RDX: variants seen among roughly 807,000 people sequenced by gnomAD.
The protein encoded by RDX is deafness, autosomal recessive 24.
RDX carries 32 observed loss-of-function variants against 83.7 expected under a neutral mutation model. The ratio of observed to expected loss-of-function variants is 0.38; its 90% CI spans 0.29 to 0.51. The LOEUF is 0.51. RDX is among the 20% of genes least tolerant of loss of function. The probability of loss-of-function intolerance (pLI) is 0.87; values close to 1 mark genes in which losing one functional copy is unlikely to be tolerated. For synonymous variants in RDX, 229 were observed against 222.7 expected, an observed-to-expected ratio of 1.03 and a Z score of -0.25; for missense variants, 600 against 689.9, an observed-to-expected ratio of 0.87 and a Z score of 1.46.
downstream of RDX, among the ~76,000 whole-genome samples, chr11:110,225,322 A>T (rs1405266952): frequency 1.3e-5 from 2 of 152,218 alleles, no homozygotes; most frequent in Non-Finnish European, 2.9e-5. Context: ...CAATGGGAAA[A>T]AAGATTTGGA....
intron 5 of RDX, among the ~76,000 whole-genome samples, chr11:110,258,698 A>G (rs934669370): frequency 1.3e-5 from 2 of 151,974 alleles, no homozygotes; most frequent in African/African-American, 4.8e-5. Flanking sequence ...CTTGGGCCCT[A>G]ATTCTTCCTT....
At chr11:110,215,052 AT>A (rs1565295571) in intron 14 of RDX, among the ~76,000 whole-genome samples, 2,657 of 60,494 alleles carry the variant, frequency 0.044, 57 homozygotes, top group East Asian at 0.24. Context: ...AAAAAAAAAT[AT>A]ATATATATAT....
chr11:110,184,918 G>A (rs559719164), intron 15 of RDX, among the ~76,000 whole-genome samples: 2 of 152,182 alleles, frequency 1.3e-5, no homozygotes, highest in South Asian at 4.1e-4. Context: ...TGGAGGGGGG[G>A]CTAGGGCCTG....
intron 10 of RDX, 92 bp downstream of exon 10, chr11:110,247,611 C>T: frequency 7.7e-7 from 1 of 1,303,868 alleles, no homozygotes; most frequent in Non-Finnish European, 1.1e-6. Context: ...TCCTATATAA[C>T]AAATAAGGTT....
intron 15 of RDX, chr11:110,196,112 G>A (rs1233632792): frequency 6.6e-6 from 1 of 152,194 alleles, no homozygotes; most frequent in Admixed American, 6.5e-5. Context: ...TACACATTCA[G>A]AACACCAGGT....
chr11:110,238,221 T>C lies in RDX; in HGVS notation c.1091-569A>G, dbSNP rs545203371. 9.2e-5 allele frequency among the ~76,000 whole-genome samples: 14 copies of C among 152,300 alleles called. No homozygotes were observed. In the South Asian group the frequency reaches 2.7e-3, roughly 29 times the overall value. ...AATTTTGATGTGATTATATGAATTA[T>C]TGAAAAATGTGAGTTATTGGTATAT... On this transcript the variant is annotated intron_variant, in intron 10 of 13. Coordinates refer to ENST00000645495, the MANE Select transcript of RDX (RefSeq NM_002906.4).
intron 15 of RDX, among the ~76,000 whole-genome samples, chr11:110,179,469 A>G (rs1565277808): frequency 6.6e-6 from 1 of 152,186 alleles, no homozygotes. Context: ...CAGAGTAATC[A>G]GAATATTCTC....
chr11:110,202,676 C>T lies in RDX; in HGVS notation c.1749-2998G>A, dbSNP rs926290695. Among the ~76,000 whole-genome samples, 3 of 148,660 alleles carry T rather than the reference C, an allele frequency of 2.0e-5. No individual in the cohort carries two copies. The East Asian group carries it at 5.9e-4, about 29-fold the overall frequency. On this transcript the variant is annotated intron_variant, in intron 14 of 15. Transcript: ENST00000528498. The stretch of plus-strand genomic sequence containing the variant: ...CCCAGGCTGGTCTTGATCTCCTGGG[C>T]TCAAGCAATCCTCCTGGGATTACAA...
intron 3 of RDX, among the ~76,000 whole-genome samples, chr11:110,268,213 C>G (rs1409432955): frequency 6.7e-6 from 1 of 149,766 alleles, no homozygotes; most frequent in Non-Finnish European, 1.5e-5. Flanking sequence ...GAGGTTGAGG[C>G]GGAGAACTGC....
At chr11:110,235,323 G>A (rs943200842) in intron 12 of RDX, among the ~76,000 whole-genome samples, 4 of 152,154 alleles carry the variant, frequency 2.6e-5, no homozygotes, top group African/African-American at 9.7e-5. Context: ...CTGGGACACA[G>A]AGTAAGACCA....
downstream of RDX, among the ~76,000 whole-genome samples, chr11:110,225,383 T>C (rs1014273929): frequency 3.9e-5 from 6 of 152,330 alleles, no homozygotes; most frequent in African/African-American, 1.4e-4. Flanking sequence ...GATTAATATT[T>C]TGAATCCCAA....
rs1491576666 is a variant in RDX at position 110,189,243 on chromosome 11, T to TTAAAA, written c.*31+10337_*31+10338insTTTTA. ...AAACAAACTTTAAATGAACAACAGG[T>TTAAAA]AAAAAAAAAAAAAAAAAAAAAAAAA... is the stretch of plus-strand genomic sequence containing the variant. On this transcript the variant is annotated intron_variant, in intron 15 of 15. Coordinates refer to the RDX transcript ENST00000528498. Among the ~76,000 whole-genome samples, 50 of 35,586 alleles carry TTAAAA rather than the reference T, an allele frequency of 1.4e-3. 1 individual carries two copies. Among genetic ancestry groups the TTAAAA allele is most frequent in the Middle Eastern group, 0.043 (2 of 46 alleles). The allele number at this position is 35,586 out of a possible 152,430, so 23.3% of individuals were successfully genotyped here.
intron 15 of RDX, among the ~76,000 whole-genome samples, chr11:110,179,114 G>A (rs192586032): frequency 3.1e-3 from 468 of 152,268 alleles, no homozygotes; most frequent in Non-Finnish European, 4.7e-3. Flanking sequence ...GGAAGCTGCC[G>A]CAATGGCCAT....
At chr11:110,200,001 T>G (rs1863347438) in intron 14 of RDX, among the ~76,000 whole-genome samples, 1 of 152,202 alleles carries the variant, frequency 6.6e-6, no homozygotes, top group Admixed American at 6.5e-5. Context: ...GACCTATTAT[T>G]TAGAATAGTA....
In RDX at chr11:110,182,660, T is replaced by C. The variant is rs1014147533; in HGVS notation, c.*32-7426A>G. Among the ~76,000 whole-genome samples, 11 of 152,310 alleles carry C rather than the reference T, an allele frequency of 7.2e-5. No homozygotes were observed. In the South Asian group the frequency reaches 2.3e-3, roughly 32 times the overall value. On this transcript the variant is annotated intron_variant, in intron 15 of 15. Transcript: ENST00000528498. The stretch of plus-strand genomic sequence containing the variant: ...ATAGGAGAATGGTAATTCTCTTGGG[T>C]AATCCTGTTCCTCATTGCCATGGGC...
At chr11:110,186,660 G>T (rs1034269026) in intron 15 of RDX, among the ~76,000 whole-genome samples, 7 of 152,086 alleles carry the variant, frequency 4.6e-5, no homozygotes, top group African/African-American at 1.7e-4. Context: ...AGGAGGGTCA[G>T]AGAGTCCCTC....
chr11:110,281,861 A>G (rs943135213), intron 1 of RDX, among the ~76,000 whole-genome samples: 3 of 148,476 alleles, frequency 2.0e-5, no homozygotes, highest in African/African-American at 7.4e-5. Context: ...AATTCCAGCA[A>G]TTTGAGAAGT....
chr11:110,186,151 T>C (rs1862982762), intron 15 of RDX, among the ~76,000 whole-genome samples: 1 of 152,250 alleles, frequency 6.6e-6, no homozygotes. Context: ...CATGGGTCAC[T>C]GCCCAGCTTG....
intron 10 of RDX, among the ~76,000 whole-genome samples, chr11:110,239,939 G>A (rs34359060): frequency 0.26 from 39,940 of 151,694 alleles, 5,918 homozygotes; most frequent in Middle Eastern, 0.34. Flanking sequence ...TAGTAAGGCC[G>A]CTATGTAGAA....
Sources: allele counts gnomAD v4.1 joint callset (sites outside exome capture counted in the v4.1 genomes callset), GRCh38; gene constraint gnomAD v4.1.1; transcripts MANE v1.5; gene names NCBI Gene and HGNC (gene_info 2026-07-23, HGNC 2026-07-21).